Variants in C5 observed in about 807,000 individuals in gnomAD.
C5 encodes the protein complement C5, also known as C3 and PZP-like alpha-2-macroglobulin domain-containing protein 4.
Under a neutral mutation model 218.8 loss-of-function variants are expected in C5, and 140 were observed. The ratio of observed to expected loss-of-function variants is 0.64; its 90% CI spans 0.56 to 0.74. The LOEUF (loss-of-function observed/expected upper bound fraction) is 0.74. C5 is among the 30% of genes least tolerant of loss of function. The pLI, the probability that C5 is intolerant of heterozygous loss-of-function variation, is 0.00. For synonymous variants in C5, 614 were observed against 682.3 expected (o/e 0.90, Z 1.56); for missense variants, 1,700 against 1,969.6 (o/e 0.86, Z 2.59).
intron 38 of C5, among the ~76,000 whole-genome samples, chr9:120,959,634 C>T (rs2046811957): frequency 6.6e-6 from 1 of 151,978 alleles, no homozygotes; most frequent in Non-Finnish European, 1.5e-5. Flanking sequence ...TCAAAAAATG[C>T]CAGCAATAAA....
chr9:121,027,353 T>C (rs959080757), intron 7 of C5, 79 bp from the exon 8 acceptor site: 27 of 801,640 alleles, frequency 3.4e-5, no homozygotes. Context: ...CAATTTGAAA[T>C]TACGTAAAGC....
At chr9:121,002,254 G>GTA (rs371381694) in intron 20 of C5, among the ~76,000 whole-genome samples, 12,967 of 65,752 alleles carry the variant, frequency 0.2, 767 homozygotes, top group South Asian at 0.28. Flanking sequence ...GTATATATAT[G>GTA]TATATATGTA....
chr9:121,034,993 A>C lies in C5; in HGVS notation c.493-99T>G, dbSNP rs959636793. ...GATGTACAAAATATTTATAGATCAA[A>C]TATTTGAAGACAAATACCCATGTCT... On this transcript the variant is annotated intron_variant, in intron 4 of 40. Coordinates refer to ENST00000223642, the MANE Select transcript of C5 (RefSeq NM_001735.3). The C allele has an allele frequency of 1.4e-5, 9 of 644,262 alleles. No individual in the cohort carries two copies. The African/African-American group carries it at 1.6e-4, about 12-fold the overall frequency. The allele number at this position is 644,262 out of a possible 1,614,324, so 39.9% of individuals were successfully genotyped here.
At chr9:121,026,758 G>A (rs2047427491) in intron 8 of C5, among the ~76,000 whole-genome samples, 1 of 152,136 alleles carries the variant, frequency 6.6e-6, no homozygotes, top group Non-Finnish European at 1.5e-5. Context: ...AAGAGTCAGG[G>A]GAGGCTTCCC....
At chr9:120,954,001 G>T in intron 39 of C5, 133 bp from the exon 40 acceptor site, 1 of 888,968 alleles carries the variant, frequency 1.1e-6, no homozygotes, top group Non-Finnish European at 1.8e-6. Context: ...TATCCATGTG[G>T]TTAAGGCTTC....
intron 40 of C5, among the ~76,000 whole-genome samples, chr9:120,953,146 G>A (rs1010688025): frequency 1.3e-5 from 2 of 152,082 alleles, no homozygotes; most frequent in African/African-American, 4.8e-5. Flanking sequence ...CGATGGTCTC[G>A]ATCTCCTGAC....
At chr9:121,063,285 C>T in the C5 span, among the ~76,000 whole-genome samples, 2 of 151,002 alleles carry the variant, frequency 1.3e-5, no homozygotes, top group Admixed American at 1.3e-4. Flanking sequence ...TTCTTTTTTT[C>T]TCCCTGCTCA....
At chr9:121,003,151 C>T (rs1324006133) in intron 20 of C5, among the ~76,000 whole-genome samples, 3 of 151,986 alleles carry the variant, frequency 2.0e-5, no homozygotes, top group Non-Finnish European at 4.4e-5. Flanking sequence ...ATTAGCCAGG[C>T]GAGCTGGCAC....
intron 20 of C5, chr9:120,999,783 C>T: frequency 2.8e-6 from 1 of 353,308 alleles, no homozygotes; most frequent in Non-Finnish European, 5.7e-6. Flanking sequence ...TTAACAGGAA[C>T]TAAGCCCAAA....
At chr9:121,002,003 T>C (rs2131730005) in intron 20 of C5, among the ~76,000 whole-genome samples, 1 of 151,710 alleles carries the variant, frequency 6.6e-6, no homozygotes, top group South Asian at 2.1e-4. Flanking sequence ...AATTATAGTA[T>C]ACCCACCATG....
chr9:121,065,995 TTTGAAACA>T, the C5 span, among the ~76,000 whole-genome samples: 2 of 152,036 alleles, frequency 1.3e-5, no homozygotes, highest in Admixed American at 1.3e-4. Flanking sequence ...GTTAGACATT[TTTGAAACA>T]GCCAAAGAAC....
chr9:120,990,997 C>T (rs1482391243), intron 23 of C5, among the ~76,000 whole-genome samples, 194 bp downstream of exon 23: 1 of 152,038 alleles, frequency 6.6e-6, no homozygotes, highest in East Asian at 1.9e-4. Context: ...TAAATCAGGC[C>T]GTTGGAAGAA....
At chr9:120,982,868 T>C in intron 25 of C5, 54 bp from the exon 26 acceptor site, 1 of 951,386 alleles carries the variant, frequency 1.1e-6, no homozygotes, top group Non-Finnish European at 1.6e-6. Flanking sequence ...CCCTTTTGAC[T>C]TTCAATTAAT....
At chr9:121,019,344 G>T (rs1171554178) in intron 12 of C5, among the ~76,000 whole-genome samples, 1 of 152,118 alleles carries the variant, frequency 6.6e-6, no homozygotes, top group Non-Finnish European at 1.5e-5. Context: ...ACTTGGCCTG[G>T]CTGTCGAAAT....
intron 37 of C5, 126 bp downstream of exon 37, chr9:120,961,356 A>G: frequency 2.8e-6 from 2 of 708,184 alleles, no homozygotes; most frequent in South Asian, 3.0e-5. Flanking sequence ...GCTTTCAATT[A>G]GCTGAGATAG....
intron 38 of C5, among the ~76,000 whole-genome samples, chr9:120,958,566 G>GC (rs1471166160): frequency 6.8e-6 from 1 of 147,876 alleles, no homozygotes; most frequent in African/African-American, 2.6e-5. Context: ...CAGCTTTTTA[G>GC]CTTTTTTTTT....
At chr9:121,036,347 T>C (rs575259613) in intron 4 of C5, among the ~76,000 whole-genome samples, 2 of 152,286 alleles carry the variant, frequency 1.3e-5, no homozygotes, top group Admixed American at 1.3e-4. Flanking sequence ...GCTTTCTCAA[T>C]CTTTTCTTCC....
At chr9:121,002,254 GTATATATGTATA>G (rs1564146517) in intron 20 of C5, among the ~76,000 whole-genome samples, 74 of 65,992 alleles carry the variant, frequency 1.1e-3, no homozygotes, top group African/African-American at 2.3e-3. Context: ...GTATATATAT[GTATATATGTATA>G]TATATGTATA....
upstream of C5, among the ~76,000 whole-genome samples, chr9:121,053,085 T>C (rs1300324137): frequency 2.0e-5 from 3 of 152,188 alleles, no homozygotes; most frequent in African/African-American, 4.8e-5. Flanking sequence ...AGAGAGGTGA[T>C]GTGACCCATA....
Sources: gnomAD v4.1 joint callset for allele counts (sites outside exome capture counted in the v4.1 genomes callset) on GRCh38, gnomAD v4.1.1 for gene constraint, MANE v1.5 for transcripts, NCBI Gene and HGNC (gene_info 2026-07-23, HGNC 2026-07-21) for gene names.